KCNMA1: variants seen among roughly 807,000 people sequenced by gnomAD.
The protein encoded by KCNMA1 is Calcium-activated potassium channel subunit alpha-1.
In KCNMA1, 29 loss-of-function variants were observed where a neutral mutation model predicts 140.0. The ratio of observed to expected loss-of-function variants is 0.21; its 90% CI spans 0.15 to 0.28. The LOEUF (loss-of-function observed/expected upper bound fraction) is 0.28. KCNMA1 is among the 10% of genes least tolerant of loss of function. KCNMA1 has a pLI of 1.00. For missense variants in KCNMA1, 880 were observed against 1,602.2 expected (o/e 0.55, Z 7.70); for synonymous variants, 612 against 611.9 (o/e 1.00, Z 0.00).
chr10:77,391,258 C>G (rs2154443352), intron 2 of KCNMA1, among the ~76,000 whole-genome samples: 1 of 152,200 alleles, frequency 6.6e-6, no homozygotes, highest in South Asian at 2.1e-4. Context: ...GTTTAATGGT[C>G]CCCCTTGATG....
chr10:77,523,207 C>A lies in KCNMA1; in HGVS notation c.378+114058G>T, dbSNP rs534505334. ...GTCTTACTCAACCTTGGACGTGCCC[C>A]CCCCCCTTGCAATCACACCACAGAA... On this transcript the variant is annotated intron_variant, in intron 1 of 27. Coordinates refer to ENST00000286628, the MANE Select transcript of KCNMA1 (RefSeq NM_001161352.2). 2.7e-5 allele frequency among the ~76,000 whole-genome samples: 4 copies of A among 149,364 alleles called. No individual in the cohort carries two copies. In the South Asian group the frequency reaches 8.8e-4, roughly 33 times the overall value.
At chr10:77,027,961 ACGATCTTTCG>A in intron 15 of KCNMA1, 70 bp from the exon 16 acceptor site, 1 of 1,341,112 alleles carries the variant, frequency 7.5e-7, no homozygotes, top group Admixed American at 1.7e-5. Flanking sequence ...ACACACTATT[ACGATCTTTCG>A]GTCTCCTAAT....
rs570957037 is a variant in KCNMA1 at position 76,899,410 on chromosome 10, T to A, written c.3148-7691A>T. 2.0e-4 allele frequency among the ~76,000 whole-genome samples: 30 copies of A among 152,298 alleles called. 1 individual carries two copies. The South Asian group carries it at 6.2e-3, about 32-fold the overall frequency. On this transcript the variant is annotated intron_variant, in intron 25 of 27. Transcript: ENST00000286628. Reference sequence around the variant, plus strand: ...TAGAAGATCAACCAGAATGGATTTATGAGAACCATAGCTTAGTAGTTATAA... The same window carrying A: ...TAGAAGATCAACCAGAATGGATTTAAGAGAACCATAGCTTAGTAGTTATAA...
In KCNMA1 at chr10:77,361,661, G is replaced by A. The variant is rs574640744; in HGVS notation, c.540+42201C>T. ...CTGCAAGGAGCAGGCGAGTGCAGGA[G>A]CAAGAGGGGATCCATAGGTCTGCTG... On this transcript the variant is annotated intron_variant, in intron 2 of 27. Coordinates refer to ENST00000286628, the MANE Select transcript of KCNMA1 (RefSeq NM_001161352.2). Among the ~76,000 whole-genome samples the A allele has an allele frequency of 1.4e-3, 209 of 152,392 alleles. 1 individual carries two copies. Among genetic ancestry groups the A allele is most frequent in the Non-Finnish European group, 2.4e-3 (164 of 68,042 alleles).
At chr10:77,497,507 C>A (rs912110325) in intron 1 of KCNMA1, among the ~76,000 whole-genome samples, 7 of 152,208 alleles carry the variant, frequency 4.6e-5, no homozygotes, top group African/African-American at 9.6e-5. Context: ...GCATCCACCC[C>A]TGAGTTCCAG....
chr10:76,951,923 C>A, intron 21 of KCNMA1: 8 of 1,015,408 alleles, frequency 7.9e-6, no homozygotes, highest in Non-Finnish European at 1.2e-5. Flanking sequence ...TGAGAGCAGT[C>A]GTTGTCAGGG....
At chr10:77,088,230 G>C (rs1020538567) in intron 10 of KCNMA1, among the ~76,000 whole-genome samples, 4 of 152,088 alleles carry the variant, frequency 2.6e-5, no homozygotes, top group Non-Finnish European at 4.4e-5. Context: ...CAAAGTGCTG[G>C]GATTACAGGC....
intron 1 of KCNMA1, among the ~76,000 whole-genome samples, chr10:77,427,712 CATCCATTCATTTATTTATTT>C (rs757118303): frequency 0.017 from 1,263 of 73,320 alleles, 31 homozygotes; most frequent in African/African-American, 0.061. Context: ...CCTGAGCATC[CATCCATTCATTTATTTATTT>C]ATTTATTTAT....
intron 5 of KCNMA1, among the ~76,000 whole-genome samples, chr10:77,133,577 T>C (rs12217811): frequency 0.022 from 3,365 of 151,206 alleles, 109 homozygotes; most frequent in East Asian, 0.14. Context: ...AAAAGTAATA[T>C]CTCATATTGA....
chr10:77,575,260 G>C (rs1175297481), intron 1 of KCNMA1, among the ~76,000 whole-genome samples: 1 of 152,156 alleles, frequency 6.6e-6, no homozygotes, highest in Non-Finnish European at 1.5e-5. Context: ...CCTCACTAAA[G>C]GTAAGCCCCA....
intron 19 of KCNMA1, among the ~76,000 whole-genome samples, chr10:76,990,338 T>G (rs1033772943): frequency 2.0e-5 from 3 of 152,218 alleles, no homozygotes; most frequent in African/African-American, 7.2e-5. Flanking sequence ...CCCTTGTATC[T>G]GCCTGCTCTG....
At chr10:77,384,743 G>C (rs1267268363) in intron 2 of KCNMA1, among the ~76,000 whole-genome samples, 2 of 152,214 alleles carry the variant, frequency 1.3e-5, no homozygotes, top group African/African-American at 2.4e-5. Flanking sequence ...TCAGGGATTT[G>C]CTACCTGCCC....
At chr10:77,277,067 C>T (rs1258345332) in intron 2 of KCNMA1, among the ~76,000 whole-genome samples, 1 of 152,108 alleles carries the variant, frequency 6.6e-6, no homozygotes, top group East Asian at 1.9e-4. Context: ...TGGTTCATGC[C>T]TTCTCTTCAT....
intron 19 of KCNMA1, among the ~76,000 whole-genome samples, chr10:76,996,887 G>A (rs903855651): frequency 3.9e-5 from 6 of 152,096 alleles, no homozygotes; most frequent in Non-Finnish European, 5.9e-5. Flanking sequence ...CACATAAAAG[G>A]AATGAGATAA....
At chr10:77,535,365 A>G (rs2058662062) in intron 1 of KCNMA1, among the ~76,000 whole-genome samples, 2 of 152,250 alleles carry the variant, frequency 1.3e-5, no homozygotes, top group African/African-American at 4.8e-5. Flanking sequence ...TTTTTAAAAG[A>G]CAGCTATTAT....
At chr10:77,448,421 C>T (rs2097568293) in intron 1 of KCNMA1, among the ~76,000 whole-genome samples, 1 of 152,204 alleles carries the variant, frequency 6.6e-6, no homozygotes, top group Admixed American at 6.5e-5. Flanking sequence ...CGATAATTGT[C>T]ACAGTGCCTG....
intron 6 of KCNMA1, among the ~76,000 whole-genome samples, chr10:77,116,700 C>T (rs2097480029): frequency 6.6e-6 from 1 of 152,020 alleles, no homozygotes; most frequent in African/African-American, 2.4e-5. Flanking sequence ...TCTCTAGATC[C>T]CTTCTTCTTT....
intron 2 of KCNMA1, among the ~76,000 whole-genome samples, chr10:77,359,597 C>T (rs537510541): frequency 1.3e-4 from 20 of 152,310 alleles, no homozygotes; most frequent in African/African-American, 3.6e-4. Flanking sequence ...GCAGCTCCCA[C>T]GCCAGGGACA....
At chr10:77,635,742 C>CTTGGAATTGGA (rs2093667044) in intron 1 of KCNMA1, 1 of 152,216 alleles carries the variant, frequency 6.6e-6, no homozygotes, top group Non-Finnish European at 1.5e-5. Flanking sequence ...GAAAACTCTC[C>CTTGGAATTGGA]GACCAGCACC....
Sources: allele counts gnomAD v4.1 joint callset (sites outside exome capture counted in the v4.1 genomes callset), GRCh38; gene constraint gnomAD v4.1.1; transcripts MANE v1.5; gene names NCBI Gene and HGNC (gene_info 2026-07-23, HGNC 2026-07-21).